Variants in PKNOX2 observed in about 807,000 individuals in gnomAD.
The protein encoded by PKNOX2 is homeobox protein PKNOX2.
Under a neutral mutation model 53.1 loss-of-function variants are expected in PKNOX2, and 14 were observed. The ratio of observed to expected loss-of-function variants is 0.26; its 90% CI spans 0.17 to 0.41. PKNOX2 has a LOEUF of 0.41. PKNOX2 is among the 10% of genes least tolerant of loss of function. The pLI is 1.00. For missense variants in PKNOX2, 496 were observed against 602.8 expected (o/e 0.82, Z 1.85); for synonymous variants, 257 against 242.8 (o/e 1.06, Z -0.54).
At chr11:125,373,061 G>A (rs149580703) in intron 5 of PKNOX2, among the ~76,000 whole-genome samples, 95 of 152,262 alleles carry the variant, frequency 6.2e-4, no homozygotes, top group African/African-American at 2.1e-3. Flanking sequence ...GGAAGTTCCC[G>A]GCATGATCCT....
intron 1 of PKNOX2, among the ~76,000 whole-genome samples, chr11:125,170,638 G>A (rs1383029360): frequency 1.3e-5 from 2 of 152,238 alleles, no homozygotes; most frequent in East Asian, 3.9e-4. Context: ...GGCCCGGCCT[G>A]CCTGGGTTTC....
intron 1 of PKNOX2, among the ~76,000 whole-genome samples, chr11:125,182,807 A>G (rs1270143453): frequency 6.6e-6 from 1 of 152,118 alleles, no homozygotes; most frequent in Non-Finnish European, 1.5e-5. Flanking sequence ...GGACCCTTGG[A>G]TTTTTTGTGG....
intron 2 of PKNOX2, among the ~76,000 whole-genome samples, chr11:125,253,358 G>T (rs533810503): frequency 6.6e-6 from 1 of 152,254 alleles, no homozygotes; most frequent in South Asian, 2.1e-4. Context: ...GGCCTCCCCT[G>T]TGGCAGTTTC....
At position 125,417,893 on chromosome 11, in the gene PKNOX2, A is replaced by G. The variant is rs867940875; in HGVS notation, c.936+6028A>G. 3.3e-5 allele frequency among the ~76,000 whole-genome samples: 5 copies of G among 152,026 alleles called. No individual in the cohort carries two copies. The East Asian group carries it at 7.7e-4, about 23-fold the overall frequency. On this transcript the variant is annotated intron_variant, in intron 10 of 12. Transcript: ENST00000298282. The stretch of plus-strand genomic sequence containing the variant: ...CCCCATCTTCCATTCAGCCACAAGG[A>G]GCTGAGGGCTCACTCCAGGGCCCTT...
At chr11:125,316,515 G>A (rs553835641) in intron 2 of PKNOX2, among the ~76,000 whole-genome samples, 104 of 152,074 alleles carry the variant, frequency 6.8e-4, no homozygotes, top group African/African-American at 2.4e-3. Context: ...GGGAGACATC[G>A]CAGGTTGGAT....
chr11:125,277,314 C>T (rs1946237471), intron 2 of PKNOX2, among the ~76,000 whole-genome samples: 1 of 152,174 alleles, frequency 6.6e-6, no homozygotes, highest in African/African-American at 2.4e-5. Flanking sequence ...GAGTATCAGA[C>T]AGGTCATCTT....
At chr11:125,330,746 G>GT in intron 2 of PKNOX2, among the ~76,000 whole-genome samples, 1 of 151,682 alleles carries the variant, frequency 6.6e-6, no homozygotes, top group East Asian at 1.9e-4. Flanking sequence ...AAGTCTCATT[G>GT]TTTAGGCAAA....
chr11:125,167,636 A>G (rs551325897), intron 1 of PKNOX2, among the ~76,000 whole-genome samples: 1 of 152,354 alleles, frequency 6.6e-6, no homozygotes, highest in African/African-American at 2.4e-5. Flanking sequence ...GCACTGAAGT[A>G]TACCCAACTT....
intron 1 of PKNOX2, among the ~76,000 whole-genome samples, chr11:125,173,738 T>A (rs926814751): frequency 6.6e-5 from 10 of 152,180 alleles, no homozygotes; most frequent in African/African-American, 1.7e-4. Flanking sequence ...GGCTGCAGTG[T>A]GGCCTTGGTC....
chr11:125,367,697 C>T lies in PKNOX2; in HGVS notation c.88-149C>T, dbSNP rs549219306. 88 of 789,292 alleles carry T rather than the reference C, an allele frequency of 1.1e-4. No homozygotes were observed. In the South Asian group the frequency reaches 1.3e-3, roughly 11 times the overall value. 48.9% of individuals were successfully genotyped at this position (789,292 alleles called of 1,614,324 possible). Reference sequence around the variant, plus strand: ...TTTTCTTCCCACTGTAGCACACGTACGAATGGATGCTCATTGTGTGCTCAC... The same window carrying T: ...TTTTCTTCCCACTGTAGCACACGTATGAATGGATGCTCATTGTGTGCTCAC... On this transcript the variant is annotated intron_variant, in intron 4 of 12. Transcript: ENST00000298282.
Position 125,165,412 on chromosome 11 carries a change from T to C in PKNOX2, c.-201+636T>C, listed in dbSNP as rs1260485086. On this transcript the variant is annotated intron_variant, in intron 1 of 12. Transcript: ENST00000298282. The surrounding 1 kb of genome is among the most constrained non-coding windows in gnomAD (Gnocchi z 4.5). ...GCGGGCAGGCTCCAGGTTCTCTTTCTCCCGGCTTCGGGCGTCCTTGGGGCC... is the reference window on the plus strand; with the variant it reads ...GCGGGCAGGCTCCAGGTTCTCTTTCCCCCGGCTTCGGGCGTCCTTGGGGCC... 6.6e-6 allele frequency among the ~76,000 whole-genome samples: 1 copy of C among 152,068 alleles called. No individual in the cohort carries two copies. The highest frequency in any genetic ancestry group is 1.5e-5 in the Non-Finnish European group (1 of 67,970).
chr11:125,223,518 C>T (rs1375973163), intron 1 of PKNOX2, among the ~76,000 whole-genome samples: 1 of 152,228 alleles, frequency 6.6e-6, no homozygotes, highest in Non-Finnish European at 1.5e-5. Context: ...GCATGAGCCA[C>T]CACGCCCAGC....
intron 1 of PKNOX2, among the ~76,000 whole-genome samples, chr11:125,209,437 A>G (rs687237): frequency 0.48 from 73,086 of 151,742 alleles, 18,427 homozygotes; most frequent in African/African-American, 0.57. Flanking sequence ...GATGGGCATC[A>G]CTATGGGATG....
At chr11:125,219,702 C>A (rs890158654) in intron 1 of PKNOX2, among the ~76,000 whole-genome samples, 1 of 152,174 alleles carries the variant, frequency 6.6e-6, no homozygotes, top group African/African-American at 2.4e-5. Flanking sequence ...TTAAAACTAT[C>A]CTGGGATACC....
intron 5 of PKNOX2, among the ~76,000 whole-genome samples, chr11:125,371,579 G>C (rs1178703444): frequency 6.6e-6 from 1 of 152,102 alleles, no homozygotes; most frequent in Non-Finnish European, 1.5e-5. Context: ...TGAAGTGAGT[G>C]GGTTCCCATG....
intron 1 of PKNOX2, among the ~76,000 whole-genome samples, chr11:125,179,900 C>G (rs190232033): frequency 6.6e-6 from 1 of 152,282 alleles, no homozygotes; most frequent in African/African-American, 2.4e-5. Flanking sequence ...ATGTGAATGG[C>G]ATCAAATTCA....
At chr11:125,279,120 G>A (rs992883419) in intron 2 of PKNOX2, among the ~76,000 whole-genome samples, 1 of 152,212 alleles carries the variant, frequency 6.6e-6, no homozygotes, top group East Asian at 1.9e-4. Flanking sequence ...CATCCCTGTG[G>A]CACCTTGGTC....
chr11:125,373,100 C>A (rs1256189871), intron 5 of PKNOX2, among the ~76,000 whole-genome samples: 1 of 152,218 alleles, frequency 6.6e-6, no homozygotes, highest in African/African-American at 2.4e-5. Context: ...GGTGCAAATG[C>A]AGCCATGGCC....
chr11:125,185,010 A>AT (rs1392254446), intron 1 of PKNOX2, among the ~76,000 whole-genome samples: 3 of 152,188 alleles, frequency 2.0e-5, no homozygotes, highest in Non-Finnish European at 2.9e-5. Flanking sequence ...ACTGTTTACC[A>AT]TTTTGTGTAT....
Sources: allele counts gnomAD v4.1 joint callset (sites outside exome capture counted in the v4.1 genomes callset), GRCh38; gene constraint gnomAD v4.1.1; non-coding constraint Gnocchi (gnomAD v3.1); transcripts MANE v1.5; gene names NCBI Gene and HGNC (gene_info 2026-07-23, HGNC 2026-07-21).